The following RORA variants were observed in gnomAD, a reference collection of about 807,000 sequenced individuals.
The protein encoded by RORA is nuclear receptor ROR-alpha.
A neutral mutation model predicts 69.5 loss-of-function variants in RORA; 7 were observed. The ratio of observed to expected loss-of-function variants is 0.10; its 90% CI spans 0.06 to 0.19. The LOEUF (loss-of-function observed/expected upper bound fraction) is 0.19, where lower values mean the gene tolerates loss of function less well. RORA is among the 10% of genes least tolerant of loss of function. RORA has a pLI of 1.00. For synonymous variants in RORA, 261 were observed against 240.8 expected, an observed-to-expected ratio of 1.08 and a Z score of -0.78; for missense variants, 457 against 663.0, an observed-to-expected ratio of 0.69 and a Z score of 3.41.
rs146798264 is a variant in RORA, at chr15:60,862,977, T to C, written c.167-184291A>G. 7.1e-3 allele frequency among the ~76,000 whole-genome samples: 1,074 copies of C among 152,326 alleles called. 4 individuals are homozygous for C. Among genetic ancestry groups the C allele is most frequent in the Non-Finnish European group, 0.01 (699 of 68,024 alleles). On this transcript the variant is annotated intron_variant, in intron 1 of 10. Coordinates refer to ENST00000335670, the MANE Select transcript of RORA (RefSeq NM_134261.3). ...CCTCTCTGCTGTCCAACTGTGTGGT[T>C]CTCCCTTCAGGCAGGTTGAAATGCA...
chr15:60,744,609 C>T (rs898143481), intron 1 of RORA, among the ~76,000 whole-genome samples: 4 of 152,186 alleles, frequency 2.6e-5, no homozygotes, highest in Non-Finnish European at 5.9e-5. Flanking sequence ...TATGTGCCTG[C>T]ACCCTGGACT....
At chr15:60,606,419 T>C (rs1409044773) in intron 2 of RORA, among the ~76,000 whole-genome samples, 1 of 152,206 alleles carries the variant, frequency 6.6e-6, no homozygotes, top group Non-Finnish European at 1.5e-5. Flanking sequence ...AAATTATTTT[T>C]ATCATTTATG....
intron 1 of RORA, among the ~76,000 whole-genome samples, chr15:60,852,478 T>C (rs1241506259): frequency 6.6e-6 from 1 of 152,184 alleles, no homozygotes; most frequent in African/African-American, 2.4e-5. Flanking sequence ...AAGGATTAAA[T>C]GAAACTATAT....
chr15:60,509,186 C>T (rs1208045577), intron 5 of RORA, among the ~76,000 whole-genome samples: 1 of 152,154 alleles, frequency 6.6e-6, no homozygotes, highest in African/African-American at 2.4e-5. Flanking sequence ...AGACTTGGGC[C>T]ACTTTCATGA....
intron 1 of RORA, among the ~76,000 whole-genome samples, chr15:60,881,723 G>A (rs1227237881): frequency 6.6e-6 from 1 of 152,192 alleles, no homozygotes; most frequent in African/African-American, 2.4e-5. Context: ...AAGTGTCCTT[G>A]AAGCAGAGAG....
intron 3 of RORA, among the ~76,000 whole-genome samples, chr15:60,515,602 G>A (rs1268358937): frequency 6.6e-6 from 1 of 151,984 alleles, no homozygotes; most frequent in Non-Finnish European, 1.5e-5. Context: ...TTTTAGTGAT[G>A]TTTTAACAGC....
intron 1 of RORA, among the ~76,000 whole-genome samples, chr15:61,215,967 G>T (rs1392876283): frequency 6.6e-6 from 1 of 152,158 alleles, no homozygotes; most frequent in Non-Finnish European, 1.5e-5. Flanking sequence ...ACATGTTTGA[G>T]TGAAGAAATA....
intron 1 of RORA, among the ~76,000 whole-genome samples, chr15:60,873,954 A>G (rs774037107): frequency 6.6e-5 from 10 of 152,202 alleles, no homozygotes; most frequent in Admixed American, 2.6e-4. Flanking sequence ...ATATTCGCCA[A>G]TTAGCTTATA....
intron 1 of RORA, among the ~76,000 whole-genome samples, chr15:60,806,663 A>G (rs2072663976): frequency 6.6e-6 from 1 of 152,232 alleles, no homozygotes; most frequent in South Asian, 2.1e-4. Flanking sequence ...GGGTATTATT[A>G]TTCCCATTTT....
chr15:60,892,511 T>C (rs72750701), intron 1 of RORA, among the ~76,000 whole-genome samples: 10,068 of 152,202 alleles, frequency 0.066, 383 homozygotes, highest in African/African-American at 0.1. Context: ...TTATGCTTTT[T>C]TTAAGTGAGC....
chr15:60,596,758 G>A (rs971127302), intron 2 of RORA, among the ~76,000 whole-genome samples: 1 of 152,114 alleles, frequency 6.6e-6, no homozygotes, highest in Non-Finnish European at 1.5e-5. Flanking sequence ...CCTTATTCAT[G>A]ATTTTAAAAT....
intron 10 of RORA, 26 bp from the exon 11 acceptor site, chr15:60,497,645 G>T: frequency 1.9e-6 from 3 of 1,586,678 alleles, no homozygotes; most frequent in Non-Finnish European, 2.6e-6. Context: ...AGGACACACC[G>T]TCAGGCAAGA....
intron 1 of RORA, among the ~76,000 whole-genome samples, chr15:60,931,981 AATTCT>A (rs1892385696): frequency 6.6e-6 from 1 of 152,238 alleles, no homozygotes; most frequent in African/African-American, 2.4e-5. Context: ...TTATGGTACC[AATTCT>A]AATCCTGAAT....
intron 3 of RORA, among the ~76,000 whole-genome samples, chr15:60,521,180 G>A (rs576469600): frequency 6.6e-6 from 1 of 151,898 alleles, no homozygotes; most frequent in East Asian, 1.9e-4. Context: ...ATGTCGTCCA[G>A]GCATACATAG....
chr15:60,602,473 TG>T (rs1425870552), intron 2 of RORA, among the ~76,000 whole-genome samples: 1 of 152,244 alleles, frequency 6.6e-6, no homozygotes, highest in African/African-American at 2.4e-5. Flanking sequence ...TATTATGATT[TG>T]CAGATTTCAG....
intron 1 of RORA, among the ~76,000 whole-genome samples, chr15:60,741,309 C>G (rs1026078787): frequency 2.0e-5 from 3 of 152,158 alleles, no homozygotes; most frequent in African/African-American, 7.2e-5. Flanking sequence ...CTTGCAGGGG[C>G]TGCGTGCGCT....
At chr15:61,157,349 G>T (rs188234206) in intron 1 of RORA, among the ~76,000 whole-genome samples, 1 of 152,158 alleles carries the variant, frequency 6.6e-6, no homozygotes, top group African/African-American at 2.4e-5. Flanking sequence ...GTGATGGTAG[G>T]GAGGTAGGTT....
chr15:60,546,735 C>A (rs866796309), intron 2 of RORA, among the ~76,000 whole-genome samples: 1 of 152,174 alleles, frequency 6.6e-6, no homozygotes, highest in East Asian at 1.9e-4. Flanking sequence ...GTTTGCTGAG[C>A]CTGGAAACAG....
At chr15:60,718,997 C>A (rs1345775360) in intron 1 of RORA, among the ~76,000 whole-genome samples, 3 of 131,688 alleles carry the variant, frequency 2.3e-5, no homozygotes, top group Admixed American at 1.5e-4. Context: ...TGGCCTTGAG[C>A]TCTTTAAAAA....
Sources: allele counts gnomAD v4.1 joint callset (sites outside exome capture counted in the v4.1 genomes callset), GRCh38; gene constraint gnomAD v4.1.1; transcripts MANE v1.5; gene names NCBI Gene and HGNC (gene_info 2026-07-23, HGNC 2026-07-21).